EEIG2: variants seen among roughly 807,000 people sequenced by gnomAD.
EEIG2 encodes the protein family with sequence similarity 102 member B.
At chr1:108,628,661 G>T in the EEIG2 span, 1 of 1,599,074 alleles carries the variant, frequency 6.3e-7, no homozygotes, top group Non-Finnish European at 8.5e-7. Context: ...AGGAAAAAAT[G>T]TAATTCTTTT....
the EEIG2 span, among the ~76,000 whole-genome samples, chr1:108,570,580 A>G: frequency 6.6e-6 from 1 of 152,234 alleles, no homozygotes; most frequent in African/African-American, 2.4e-5. Context: ...CTGACCAAAG[A>G]CAAGTCCAAA....
chr1:108,579,770 TGTGA>T, the EEIG2 span, among the ~76,000 whole-genome samples: 390 of 23,200 alleles, frequency 0.017, 5 homozygotes, highest in African/African-American at 0.052. Flanking sequence ...TGTGTGTGTG[TGTGA>T]GAGAGAGAGA....
the EEIG2 span, among the ~76,000 whole-genome samples, chr1:108,576,112 G>A: frequency 2.0e-5 from 3 of 152,126 alleles, no homozygotes; most frequent in Non-Finnish European, 2.9e-5. Context: ...CTCCCAAGTA[G>A]CTGGGACCAC....
At chr1:108,632,750 C>G in the EEIG2 span, among the ~76,000 whole-genome samples, 1 of 149,896 alleles carries the variant, frequency 6.7e-6, no homozygotes, top group East Asian at 1.9e-4. Flanking sequence ...ACTCAGTAAG[C>G]CCTGGCTTTA....
chr1:108,609,276 A>C, the EEIG2 span, among the ~76,000 whole-genome samples: 1 of 152,252 alleles, frequency 6.6e-6, no homozygotes, highest in Non-Finnish European at 1.5e-5. Flanking sequence ...GCAGTGAACA[A>C]AACAGACAAA....
the EEIG2 span, among the ~76,000 whole-genome samples, chr1:108,601,353 GAGA>G: frequency 7.2e-5 from 11 of 152,086 alleles, no homozygotes; most frequent in African/African-American, 2.4e-4. Context: ...AAATTAAATA[GAGA>G]AGAAGGATTT....
the EEIG2 span, among the ~76,000 whole-genome samples, chr1:108,618,733 G>A: frequency 1.3e-5 from 2 of 151,734 alleles, no homozygotes; most frequent in African/African-American, 4.8e-5. Context: ...CAGCTACTTG[G>A]GAGGCTAAGG....
chr1:108,577,815 GT>G, the EEIG2 span, among the ~76,000 whole-genome samples: 3 of 148,982 alleles, frequency 2.0e-5, no homozygotes, highest in African/African-American at 7.4e-5. Flanking sequence ...CTTTAAAGTA[GT>G]TTTTTCCAAT....
the EEIG2 span, chr1:108,600,796 G>T: frequency 9.1e-7 from 1 of 1,100,656 alleles, no homozygotes; most frequent in Non-Finnish European, 1.3e-6. Flanking sequence ...AACTGTATAT[G>T]CAGTTTCACT....
the EEIG2 span, among the ~76,000 whole-genome samples, chr1:108,621,828 G>C: frequency 7.1e-6 from 1 of 141,380 alleles, no homozygotes; most frequent in Non-Finnish European, 1.5e-5. Flanking sequence ...TTAATGCAGG[G>C]TGTTTTTTTT....
At chr1:108,564,596 T>C in the EEIG2 span, among the ~76,000 whole-genome samples, 1 of 152,194 alleles carries the variant, frequency 6.6e-6, no homozygotes. Flanking sequence ...TAGGCCTGCT[T>C]ACTAAACTTA....
At chr1:108,628,628 T>C in the EEIG2 span, 1 of 1,572,144 alleles carries the variant, frequency 6.4e-7, no homozygotes, top group Non-Finnish European at 8.6e-7. Flanking sequence ...TTTAAAAAAC[T>C]TTGTTTTCAT....
At chr1:108,566,344 A>G in the EEIG2 span, among the ~76,000 whole-genome samples, 1 of 152,182 alleles carries the variant, frequency 6.6e-6, no homozygotes, top group Admixed American at 6.5e-5. Flanking sequence ...GTCACAGGGC[A>G]TGCAGATTTT....
the EEIG2 span, chr1:108,628,812 G>C: frequency 6.2e-7 from 1 of 1,608,520 alleles, no homozygotes; most frequent in Non-Finnish European, 8.5e-7. Flanking sequence ...AAGGTGTGTA[G>C]GTAACTGTTA....
At chr1:108,637,366 T>C in the EEIG2 span, 1 of 152,136 alleles carries the variant, frequency 6.6e-6, no homozygotes, top group Admixed American at 6.6e-5. Flanking sequence ...GCACACTTTG[T>C]GTTCAAATTT....
At chr1:108,569,793 CCTT>C in the EEIG2 span, among the ~76,000 whole-genome samples, 5 of 152,224 alleles carry the variant, frequency 3.3e-5, no homozygotes, top group African/African-American at 1.2e-4. Context: ...TCTCCTTCAC[CCTT>C]CTTTTAGTCA....
At chr1:108,631,738 A>G in the EEIG2 span, among the ~76,000 whole-genome samples, 1 of 152,162 alleles carries the variant, frequency 6.6e-6, no homozygotes, top group Non-Finnish European at 1.5e-5. Context: ...TTTTTATTCA[A>G]TTCTTATGTA....
the EEIG2 span, chr1:108,634,993 A>C: frequency 2.1e-6 from 2 of 939,708 alleles, no homozygotes; most frequent in Non-Finnish European, 3.4e-6. Flanking sequence ...CGTTATGGAA[A>C]TCAAATCTAG....
the EEIG2 span, among the ~76,000 whole-genome samples, chr1:108,563,722 A>AT: frequency 2.6e-5 from 4 of 152,308 alleles, no homozygotes; most frequent in African/African-American, 9.6e-5. Flanking sequence ...ATAGCTCTCC[A>AT]TCTGGGATTG....
Sources: gnomAD v4.1 joint callset for allele counts (sites outside exome capture counted in the v4.1 genomes callset) on GRCh38, gnomAD v4.1.1 for gene constraint, MANE v1.5 for transcripts, NCBI Gene and HGNC (gene_info 2026-07-23, HGNC 2026-07-21) for gene names.